SLC16A1: variants seen among roughly 807,000 people sequenced by gnomAD.
SLC16A1 encodes the protein monocarboxylate transporter 1.
SLC16A1 carries 11 observed loss-of-function variants against 32.2 expected under a neutral mutation model. The observed-to-expected ratio is 0.34, with a 90% confidence interval of 0.21 to 0.56. The LOEUF is 0.56. SLC16A1 is among the 20% of genes least tolerant of loss of function. The pLI is 0.87. For synonymous variants in SLC16A1, 231 were observed against 226.8 expected, an observed-to-expected ratio of 1.02 and a Z score of -0.17; for missense variants, 435 against 615.0, an observed-to-expected ratio of 0.71 and a Z score of 3.10.
intron 3 of SLC16A1, among the ~76,000 whole-genome samples, chr1:112,919,100 G>A (rs943336637): frequency 6.6e-6 from 1 of 151,458 alleles, no homozygotes; most frequent in South Asian, 2.1e-4. Flanking sequence ...GCGCGATCTC[G>A]GCTCACTGCA....
intron 3 of SLC16A1, among the ~76,000 whole-genome samples, chr1:112,920,397 G>A (rs1648679140): frequency 6.6e-6 from 1 of 152,112 alleles, no homozygotes; most frequent in African/African-American, 2.4e-5. Context: ...CATGAGGTCA[G>A]GAGTTTGAGA....
chr1:112,924,667 T>A (rs546366475), intron 2 of SLC16A1, among the ~76,000 whole-genome samples: 1 of 152,126 alleles, frequency 6.6e-6, no homozygotes, highest in Non-Finnish European at 1.5e-5. Flanking sequence ...AATTAGGTAA[T>A]CTTGATTAAA....
At chr1:112,950,191 T>C (rs932511365) in intron 1 of SLC16A1, among the ~76,000 whole-genome samples, 1 of 152,194 alleles carries the variant, frequency 6.6e-6, no homozygotes, top group African/African-American at 2.4e-5. Flanking sequence ...TCGAATTCAA[T>C]AGACCTTAGG....
At chr1:112,924,321 G>A (rs1443090423) in intron 2 of SLC16A1, 98 of 1,363,888 alleles carry the variant, frequency 7.2e-5, no homozygotes, top group East Asian at 2.8e-4. Context: ...GGTTGCTCAC[G>A]AATGTCCCAA....
chr1:112,917,603 G>C lies in SLC16A1; in HGVS notation c.803C>G (p.Ser268Cys), dbSNP rs147215164. ...FTHRGFLLYL[S>C]GNVIMFFGLF... ...TCCAAAAAACATGATCACATTTCCA[G>C]AGAGGTATAGCAAAAAGCCTCTGTG... is the stretch of plus-strand genomic sequence containing the variant. The change falls in exon 4 of 5, where the codon TCT becomes TGT. Residue 268 changes from serine (S) to cysteine (C), a missense_variant. Physicochemically the swap from Ser to Cys is moderately radical, Grantham distance 112 (BLOSUM62 -1). Coordinates refer to ENST00000369626, the MANE Select transcript of SLC16A1 (RefSeq NM_003051.4). The surrounding 1 kb of genome is among the most constrained non-coding windows in gnomAD (Gnocchi z 4.1). 1 of 1,614,090 alleles carries C rather than the reference G, an allele frequency of 6.2e-7. No individual in the cohort carries two copies. The highest frequency in any genetic ancestry group is 8.5e-7 in the Non-Finnish European group (1 of 1,180,044).
intron 1 of SLC16A1, among the ~76,000 whole-genome samples, chr1:112,947,634 C>T (rs899274120): frequency 7.9e-5 from 12 of 152,086 alleles, no homozygotes; most frequent in Non-Finnish European, 1.3e-4. Flanking sequence ...TCATTTTAAA[C>T]GTTTTTAAAC....
At chr1:112,932,714 A>G (rs1350571418) in intron 1 of SLC16A1, among the ~76,000 whole-genome samples, 1 of 148,250 alleles carries the variant, frequency 6.7e-6, no homozygotes, top group African/African-American at 2.5e-5. Flanking sequence ...GAATCGCTTG[A>G]ACCCAGGAGG....
Position 112,912,819 on chromosome 1 carries a change from CAAA to C in SLC16A1, c.*1069_*1071del, listed in dbSNP as rs940312896. ...TTTGCAAACCTTAAAAAAAAAAAAA[CAAA>C]AAAACAAAAACACCAAACACACACA... On this transcript the variant is annotated 3_prime_UTR_variant, in exon 5 of 5. Coordinates refer to ENST00000369626, the MANE Select transcript of SLC16A1 (RefSeq NM_003051.4). The C allele has an allele frequency of 7.0e-6, 1 of 142,906 alleles. No homozygotes were observed. Among genetic ancestry groups the C allele is most frequent in the South Asian group, 2.2e-4 (1 of 4,542 alleles). The allele number at this position is 142,906 out of a possible 1,614,324, so 8.9% of individuals were successfully genotyped here.
At chr1:112,939,607 G>T (rs1445067592) in intron 1 of SLC16A1, among the ~76,000 whole-genome samples, 2 of 152,094 alleles carry the variant, frequency 1.3e-5, no homozygotes, top group Non-Finnish European at 2.9e-5. Flanking sequence ...CCAGGTTCAA[G>T]TGATTCTCCT....
At chr1:112,919,117 A>G (rs1648622974) in intron 3 of SLC16A1, among the ~76,000 whole-genome samples, 1 of 150,828 alleles carries the variant, frequency 6.6e-6, no homozygotes, top group African/African-American at 2.4e-5. Context: ...TGCAACCTCC[A>G]CCTCCCGGGT....
chr1:112,942,896 T>C (rs992766504), intron 1 of SLC16A1, among the ~76,000 whole-genome samples: 1 of 152,194 alleles, frequency 6.6e-6, no homozygotes, highest in Non-Finnish European at 1.5e-5. Flanking sequence ...TATTTGTAAA[T>C]GGGCAAACTA....
intron 3 of SLC16A1, among the ~76,000 whole-genome samples, chr1:112,919,004 T>G (rs886831752): frequency 6.8e-6 from 1 of 147,290 alleles, no homozygotes; most frequent in Admixed American, 6.9e-5. Flanking sequence ...ATGAATGTAC[T>G]AATTTATTTT....
At chr1:112,929,612 G>A (rs1188274337) in intron 1 of SLC16A1, among the ~76,000 whole-genome samples, 2 of 152,114 alleles carry the variant, frequency 1.3e-5, no homozygotes, top group African/African-American at 4.8e-5. Flanking sequence ...TCAGGAGGCT[G>A]AGGCAGGAGG....
In SLC16A1 at chr1:112,924,597, C is replaced by A. The variant is rs534164451; in HGVS notation, c.218-2464G>T. On this transcript the variant is annotated intron_variant, in intron 2 of 4. Transcript: ENST00000369626. ...AACAAACAAACAAAAACAACAACAA[C>A]AAAAAAAAGAAAAAAGACAAAAATG... Among the ~76,000 whole-genome samples, 614 of 150,984 alleles carry A rather than the reference C, an allele frequency of 4.1e-3. 5 individuals carry two copies. Among genetic ancestry groups the A allele is most frequent in the African/African-American group, 0.014 (567 of 41,186 alleles).
intron 4 of SLC16A1, among the ~76,000 whole-genome samples, chr1:112,915,826 C>T (rs1297299912): frequency 2.0e-5 from 3 of 152,144 alleles, no homozygotes; most frequent in Non-Finnish European, 4.4e-5. Flanking sequence ...TATATACTCA[C>T]TCACTCCCCA....
chr1:112,927,518 T>C (rs879940615), intron 2 of SLC16A1, among the ~76,000 whole-genome samples: 8 of 152,174 alleles, frequency 5.3e-5, no homozygotes, highest in Non-Finnish European at 8.8e-5. Flanking sequence ...TTAGGGGATA[T>C]ACTATTTAGA....
chr1:112,950,277 AG>A (rs1443684459), intron 1 of SLC16A1, among the ~76,000 whole-genome samples: 2 of 152,242 alleles, frequency 1.3e-5, no homozygotes, highest in African/African-American at 4.8e-5. Flanking sequence ...TACAAACATA[AG>A]TTTTGGTTTC....
Position 112,913,557 on chromosome 1 carries a change from A to C in SLC16A1, c.*334T>G, listed in dbSNP as rs564739570. 1 of 254,522 alleles carries C rather than the reference A, an allele frequency of 3.9e-6. No homozygotes were observed. The highest frequency in any genetic ancestry group is 2.2e-5 in the African/African-American group (1 of 45,000). The allele number at this position is 254,522 out of a possible 1,614,324, so 15.8% of individuals were successfully genotyped here. ...ACACTCGAAATAGATGAATTCAGCA[A>C]AAATGGTTTAAGAAGTTAAGGCTCT... On this transcript the variant is annotated 3_prime_UTR_variant, in exon 5 of 5. Transcript: ENST00000369626.
At chr1:112,935,859 T>C (rs1211581232) in intron 1 of SLC16A1, 1 of 152,108 alleles carries the variant, frequency 6.6e-6, no homozygotes, top group Non-Finnish European at 1.5e-5. Flanking sequence ...TCCCCCATTC[T>C]CTCTTTTCAC....
Sources: gnomAD v4.1 joint callset for allele counts (sites outside exome capture counted in the v4.1 genomes callset) on GRCh38, gnomAD v4.1.1 for gene constraint, Gnocchi (gnomAD v3.1) non-coding constraint, MANE v1.5 for transcripts, NCBI Gene and HGNC (gene_info 2026-07-23, HGNC 2026-07-21) for gene names.